Variants in CAMTA1 observed in about 807,000 individuals in gnomAD.
CAMTA1 encodes the protein calmodulin binding transcription activator 1.
CAMTA1 carries 27 observed loss-of-function variants against 170.9 expected under a neutral mutation model. The observed-to-expected ratio is 0.16, with a 90% CI of 0.12 to 0.22. The LOEUF is 0.22. CAMTA1 is among the 10% of genes least tolerant of loss of function. CAMTA1 has a pLI of 1.00. For missense variants in CAMTA1, 1,619 were observed against 2,217.2 expected (o/e 0.73, Z 5.42); for synonymous variants, 833 against 891.5 (o/e 0.93, Z 1.17).
chr1:6,960,210 A>C (rs1421144094), intron 3 of CAMTA1, among the ~76,000 whole-genome samples: 4 of 152,232 alleles, frequency 2.6e-5, no homozygotes, highest in Non-Finnish European at 5.9e-5. Context: ...TGGAGAAAGA[A>C]AATGCAAGTT....
chr1:7,738,616 G>C lies in CAMTA1; in HGVS notation c.4182+134G>C. The C allele has an allele frequency of 1.1e-6, 1 of 934,844 alleles. No homozygotes were observed. 57.9% of individuals were successfully genotyped at this position (934,844 alleles called of 1,614,324 possible). A position where few individuals can be genotyped will look rare whatever the true frequency, so the allele number is the denominator to read the frequency against. On this transcript the variant is annotated intron_variant, in intron 16 of 22. Transcript: ENST00000303635. This position sits in a 1 kb window ranked among gnomAD's most constrained non-coding sequence, Gnocchi z 4.9. Reference sequence around the variant, plus strand: ...CGAAGTTGGCTTTGTGCAGAACATCGTTGGAGTATCTTCTTTCCTTGGGGC... The same window carrying C: ...CGAAGTTGGCTTTGTGCAGAACATCCTTGGAGTATCTTCTTTCCTTGGGGC...
At chr1:6,958,030 G>A (rs935066377) in intron 3 of CAMTA1, among the ~76,000 whole-genome samples, 2 of 152,168 alleles carry the variant, frequency 1.3e-5, no homozygotes, top group African/African-American at 4.8e-5. Context: ...TTTTCTAGGG[G>A]CTCCCAGTCA....
chr1:6,890,201 G>A (rs1046713920), intron 3 of CAMTA1, among the ~76,000 whole-genome samples: 1 of 152,204 alleles, frequency 6.6e-6, no homozygotes, highest in Admixed American at 6.5e-5. Flanking sequence ...GTGCTCGTCA[G>A]TTTCCTACTC....
At chr1:7,728,725 G>GA (rs1233199087) in intron 11 of CAMTA1, among the ~76,000 whole-genome samples, 13 of 152,208 alleles carry the variant, frequency 8.5e-5, no homozygotes, top group African/African-American at 2.7e-4. Flanking sequence ...GCTTGGAACT[G>GA]AACTCTAACT....
Position 7,224,209 on chromosome 1 carries a change from T to A in CAMTA1, c.303-25282T>A, listed in dbSNP as rs1466015642. 2.0e-5 allele frequency among the ~76,000 whole-genome samples: 3 copies of A among 152,168 alleles called. No homozygotes were observed. The highest frequency in any genetic ancestry group is 7.2e-5 in the African/African-American group (3 of 41,428). The stretch of plus-strand genomic sequence containing the variant: ...TGCTCTGCCAGGTGGAGGCCTTAGG[T>A]CTTGTCAGTCTCCTTTTACTGCAGG... On this transcript the variant is annotated intron_variant, in intron 4 of 22. Transcript: ENST00000303635. This position sits in a 1 kb window ranked among gnomAD's most constrained non-coding sequence, Gnocchi z 5.2.
intron 5 of CAMTA1, chr1:7,388,501 T>TA: frequency 6.6e-6 from 1 of 152,398 alleles, no homozygotes; most frequent in Admixed American, 6.5e-5. Flanking sequence ...TCCCTGTGAA[T>TA]CGGATGGGAC....
chr1:6,805,532 G>T, intron 1 of CAMTA1, among the ~76,000 whole-genome samples: 1 of 151,988 alleles, frequency 6.6e-6, no homozygotes, highest in East Asian at 1.9e-4. Flanking sequence ...TTGAGAGAGG[G>T]TCTCATTCTG....
chr1:7,623,229 A>T (rs917312343), intron 6 of CAMTA1, among the ~76,000 whole-genome samples: 1 of 152,216 alleles, frequency 6.6e-6, no homozygotes, highest in Non-Finnish European at 1.5e-5. Context: ...AATGTAGGCC[A>T]GTCCCTGGTA....
intron 5 of CAMTA1, among the ~76,000 whole-genome samples, chr1:7,326,158 C>T (rs931122100): frequency 6.6e-6 from 1 of 152,124 alleles, no homozygotes. Flanking sequence ...TGCACCTGGC[C>T]GACAGATCCA....
chr1:6,949,367 AGG>A (rs1688079181), intron 3 of CAMTA1, among the ~76,000 whole-genome samples: 1 of 152,222 alleles, frequency 6.6e-6, no homozygotes, highest in African/African-American at 2.4e-5. Flanking sequence ...AACGCCCTCG[AGG>A]GCAGACATAT....
chr1:7,425,299 T>G (rs1267648580), intron 5 of CAMTA1, among the ~76,000 whole-genome samples: 1 of 152,096 alleles, frequency 6.6e-6, no homozygotes, highest in Non-Finnish European at 1.5e-5. Context: ...CCTTCCATGG[T>G]GCCCTGAGGA....
At chr1:7,227,864 G>A (rs1014574966) in intron 4 of CAMTA1, among the ~76,000 whole-genome samples, 4 of 152,020 alleles carry the variant, frequency 2.6e-5, no homozygotes. Context: ...CTCACCCAGG[G>A]CCCCTGCACA....
rs868812947 is a variant in CAMTA1 at position 7,398,213 on chromosome 1, A to C, written c.439-69617A>C. On this transcript the variant is annotated intron_variant, in intron 5 of 22. Transcript: ENST00000303635. ...TCTCTCTATATATATATATATATAT[A>C]TATATATATATATATATATATATAT... 3.1e-3 allele frequency among the ~76,000 whole-genome samples: 349 copies of C among 113,182 alleles called. 3 individuals carry two copies. Among genetic ancestry groups the C allele is most frequent in the South Asian group, 6.7e-3 (25 of 3,726 alleles). 74.3% of individuals were successfully genotyped at this position (113,182 alleles called of 152,430 possible).
At chr1:7,417,866 G>A (rs1274423033) in intron 5 of CAMTA1, among the ~76,000 whole-genome samples, 2 of 152,080 alleles carry the variant, frequency 1.3e-5, no homozygotes, top group South Asian at 2.1e-4. Context: ...CTTCTGTGTC[G>A]CTCACGCTGG....
chr1:6,941,702 T>C (rs72638550), intron 3 of CAMTA1, among the ~76,000 whole-genome samples: 47,058 of 152,136 alleles, frequency 0.31, 7,974 homozygotes, highest in Non-Finnish European at 0.39. Context: ...GAGTCACTCC[T>C]GAAGTATTAG....
At chr1:7,390,572 G>T (rs2088586002) in intron 5 of CAMTA1, among the ~76,000 whole-genome samples, 1 of 152,232 alleles carries the variant, frequency 6.6e-6, no homozygotes, top group South Asian at 2.1e-4. Context: ...CTACAACAGG[G>T]TCGCTAGTAG....
At chr1:7,518,566 G>A (rs373651569) in intron 6 of CAMTA1, among the ~76,000 whole-genome samples, 6 of 152,014 alleles carry the variant, frequency 3.9e-5, no homozygotes, top group South Asian at 4.1e-4. Context: ...TTGTCGGGCC[G>A]CCTTGGGGTC....
chr1:7,367,897 G>A (rs845273), intron 5 of CAMTA1, among the ~76,000 whole-genome samples: 93,496 of 144,150 alleles, frequency 0.65, 30,791 homozygotes, highest in Non-Finnish European at 0.75. Flanking sequence ...TCATGGTTTC[G>A]TTGGGCACAG....
intron 6 of CAMTA1, among the ~76,000 whole-genome samples, chr1:7,574,642 G>A (rs1197688446): frequency 6.6e-6 from 1 of 152,148 alleles, no homozygotes; most frequent in African/African-American, 2.4e-5. Context: ...TCCTCTCGAC[G>A]CGATGCAGAG....
Sources: gnomAD v4.1 joint callset for allele counts (sites outside exome capture counted in the v4.1 genomes callset) on GRCh38, gnomAD v4.1.1 for gene constraint, Gnocchi (gnomAD v3.1) non-coding constraint, MANE v1.5 for transcripts, NCBI Gene and HGNC (gene_info 2026-07-23, HGNC 2026-07-21) for gene names.